The following AIF1L variants were observed in gnomAD, a reference collection of about 807,000 sequenced individuals.
The protein encoded by AIF1L is allograft inflammatory factor 1-like.
In AIF1L, 12 loss-of-function variants were observed where a neutral mutation model predicts 20.7. That is an observed-to-expected ratio of 0.58 (90% CI 0.37 to 0.94). The LOEUF (loss-of-function observed/expected upper bound fraction) is 0.94. Among genes scored for constraint, AIF1L ranks in the 40% least tolerant of loss-of-function variants. AIF1L has a pLI of 0.01. For missense variants in AIF1L, 173 were observed against 185.3 expected (o/e 0.93, Z 0.39); for synonymous variants, 76 against 65.1 (o/e 1.17, Z -0.81).
chr9:131,111,362 C>T, intron 2 of AIF1L: 1 of 478,240 alleles, frequency 2.1e-6, no homozygotes, highest in Non-Finnish European at 3.7e-6. Flanking sequence ...GGCTTAGTCA[C>T]CCGTAGTGAA....
rs1830965299 is a variant in AIF1L, at chr9:131,114,578, G to A, written c.162G>A (p.Glu54=). 1.2e-6 allele frequency: 2 copies of A among 1,614,132 alleles called. No homozygotes were observed. The highest frequency in any genetic ancestry group is 1.7e-6 in the Non-Finnish European group (2 of 1,179,952). Residue 54 remains glutamate, a splice_region_variant and synonymous_variant, in exon 4 of 6, where the codon GAG becomes GAA. Coordinates refer to ENST00000247291, the MANE Select transcript of AIF1L (RefSeq NM_031426.4). ...NLPEKLTAFK[E]KYMEFDLNNE... is the part of the protein sequence containing the mutation. ...TAGTTTTTGCTCTGTGATTTCCAGA[G>A]AAGTACATGGAGTTTGACCTGAACA... is the stretch of plus-strand genomic sequence containing the variant.
chr9:131,111,387 C>T (rs1477966805), intron 2 of AIF1L: 1 of 572,922 alleles, frequency 1.7e-6, no homozygotes, highest in Non-Finnish European at 3.1e-6. Context: ...CTGGGGCCTC[C>T]CCAAGCTGCT....
chr9:131,101,440 G>C (rs1830638931), intron 2 of AIF1L, among the ~76,000 whole-genome samples: 1 of 150,474 alleles, frequency 6.6e-6, no homozygotes, highest in South Asian at 2.1e-4. Context: ...TTGACCTCCT[G>C]GGCTTAGGTG....
chr9:131,115,193 T>A (rs1340868073), intron 4 of AIF1L, among the ~76,000 whole-genome samples: 2 of 152,166 alleles, frequency 1.3e-5, no homozygotes, highest in African/African-American at 4.8e-5. Context: ...CTCAAGCCTG[T>A]AATCCCAGCA....
chr9:131,115,668 T>TG (rs942492098), intron 4 of AIF1L, among the ~76,000 whole-genome samples: 20 of 151,714 alleles, frequency 1.3e-4, no homozygotes, highest in African/African-American at 4.1e-4. Context: ...TGATCATTTT[T>TG]TTTTTTCTTT....
chr9:131,101,584 A>G (rs774928221), intron 2 of AIF1L, among the ~76,000 whole-genome samples: 3 of 151,992 alleles, frequency 2.0e-5, no homozygotes, highest in Non-Finnish European at 2.9e-5. Context: ...AGCTTAAGCA[A>G]TCTGCCCACC....
chr9:131,114,002 A>T (rs541710394), intron 3 of AIF1L: 1 of 157,302 alleles, frequency 6.4e-6, no homozygotes, highest in South Asian at 1.9e-4. Context: ...TTGATCAGGG[A>T]AGTATAACTC....
Position 131,120,857 on chromosome 9 carries a change from C to A in AIF1L, c.*535C>A. The A allele has an allele frequency of 2.2e-6, 1 of 458,806 alleles. No homozygotes were observed. The allele number at this position is 458,806 out of a possible 1,614,324, so 28.4% of individuals were successfully genotyped here. A position where few individuals can be genotyped will look rare whatever the true frequency, so the allele number is the denominator to read the frequency against. Reference sequence around the variant, plus strand: ...TCGGGGCCCCGCTGCCCCAGCTGATCCCCACTCATTCCACACCTCTTCTCA... The same window carrying A: ...TCGGGGCCCCGCTGCCCCAGCTGATACCCACTCATTCCACACCTCTTCTCA... On this transcript the variant is annotated 3_prime_UTR_variant, in exon 6 of 6. Coordinates refer to ENST00000247291, the MANE Select transcript of AIF1L (RefSeq NM_031426.4).
At chr9:131,111,871 C>A in intron 3 of AIF1L, 1 of 578,748 alleles carries the variant, frequency 1.7e-6, no homozygotes, top group Non-Finnish European at 3.1e-6. Flanking sequence ...CCTGCGGGCC[C>A]CGTCACCCCT....
intron 3 of AIF1L, among the ~76,000 whole-genome samples, chr9:131,112,995 C>T (rs190802433): frequency 1.6e-4 from 25 of 152,198 alleles, no homozygotes; most frequent in African/African-American, 5.5e-4. Context: ...TGTGCCAGGA[C>T]CATTCCAGGC....
At chr9:131,103,169 G>T (rs1439354979) in intron 2 of AIF1L, among the ~76,000 whole-genome samples, 5 of 152,226 alleles carry the variant, frequency 3.3e-5, no homozygotes, top group African/African-American at 9.6e-5. Context: ...GAGCATCAGA[G>T]GCTGTAGGTG....
chr9:131,097,489 A>G (rs1048788418), intron 2 of AIF1L, among the ~76,000 whole-genome samples: 1 of 152,088 alleles, frequency 6.6e-6, no homozygotes, highest in East Asian at 1.9e-4. Flanking sequence ...GCCTCCCTCA[A>G]ACACACCACT....
intron 2 of AIF1L, among the ~76,000 whole-genome samples, chr9:131,106,518 C>T (rs773267358): frequency 1.3e-4 from 20 of 152,058 alleles, no homozygotes; most frequent in Non-Finnish European, 2.2e-4. Flanking sequence ...CATGGTGGCT[C>T]ACACCTATAA....
At chr9:131,110,545 C>A (rs1454213833) in intron 2 of AIF1L, among the ~76,000 whole-genome samples, 2 of 150,812 alleles carry the variant, frequency 1.3e-5, no homozygotes, top group African/African-American at 4.9e-5. Flanking sequence ...TCTCTGTCTC[C>A]CAGGCTGGAG....
chr9:131,104,946 G>T (rs189487170), intron 2 of AIF1L, among the ~76,000 whole-genome samples: 3 of 150,368 alleles, frequency 2.0e-5, no homozygotes, highest in Non-Finnish European at 4.4e-5. Flanking sequence ...TCAAACTCAG[G>T]CATTCTGGCT....
chr9:131,105,229 G>C (rs1280197595), intron 2 of AIF1L, among the ~76,000 whole-genome samples: 1 of 152,148 alleles, frequency 6.6e-6, no homozygotes, highest in Non-Finnish European at 1.5e-5. Flanking sequence ...ACTGCCCGCC[G>C]GGCTCCCCCA....
chr9:131,111,402 A>G lies in AIF1L; in HGVS notation c.94-195A>G. 5 of 600,830 alleles carry G rather than the reference A, an allele frequency of 8.3e-6. 1 individual carries two copies. The Admixed American group carries it at 1.4e-4, about 16-fold the overall frequency. The allele number at this position is 600,830 out of a possible 1,614,324, so 37.2% of individuals were successfully genotyped here. ...CTGGGGCCTCCCCAAGCTGCTGGGCAAACTTCCTACCCACAGGGTGGCCAG... is the reference window on the plus strand; with the variant it reads ...CTGGGGCCTCCCCAAGCTGCTGGGCGAACTTCCTACCCACAGGGTGGCCAG... On this transcript the variant is annotated intron_variant, in intron 2 of 5. Transcript: ENST00000247291.
intron 2 of AIF1L, chr9:131,102,948 C>CT (rs1440979425): frequency 2.2e-6 from 1 of 456,218 alleles, no homozygotes; most frequent in African/African-American, 2.0e-5. Context: ...AAAGACAAGC[C>CT]TGGAGGGCCA....
Position 131,096,856 on chromosome 9 carries a change from T to C in AIF1L, c.86T>C (p.Ile29Thr), listed in dbSNP as rs542926777. Residue 29 changes from isoleucine to threonine, a missense_variant, in exon 2 of 6, where the codon ATC becomes ACC. Physicochemically the swap from Ile to Thr is moderately conservative, Grantham distance 89. Transcript: ENST00000247291. ...KARQERRLAE[I>T]NREFLCDQKY... ...CGGCAGGAGAGGAGGCTGGCCGAGA[T>C]CAACCGGGTAAGCCCCGCGCCCAGG... 13 of 1,535,846 alleles carry C rather than the reference T, an allele frequency of 8.5e-6. No homozygotes were observed. The African/African-American group carries it at 1.5e-4, about 18-fold the overall frequency.
Sources: allele counts gnomAD v4.1 joint callset (sites outside exome capture counted in the v4.1 genomes callset), GRCh38; gene constraint gnomAD v4.1.1; transcripts MANE v1.5; gene names NCBI Gene and HGNC (gene_info 2026-07-23, HGNC 2026-07-21).